Variants in NALF1 observed in about 807,000 individuals in gnomAD.
The protein encoded by NALF1 is family with sequence similarity 155 member A.
NALF1 carries 3 observed loss-of-function variants against 48.4 expected under a neutral mutation model. That is an observed-to-expected ratio of 0.06 (90% CI 0.03 to 0.16). The LOEUF is 0.16. Ranked by LOEUF, NALF1 falls within the 10% of genes least tolerant of loss-of-function variation. The probability of loss-of-function intolerance (pLI) is 1.00; values close to 1 mark genes in which losing one functional copy is unlikely to be tolerated. For missense variants in NALF1, 526 were observed against 571.5 expected, an observed-to-expected ratio of 0.92 and a Z score of 0.81; for synonymous variants, 262 against 245.7, an observed-to-expected ratio of 1.07 and a Z score of -0.62.
intron 1 of NALF1, among the ~76,000 whole-genome samples, chr13:107,660,684 C>T (rs1182588042): frequency 6.6e-6 from 1 of 151,944 alleles, no homozygotes; most frequent in Admixed American, 6.6e-5. Flanking sequence ...CTGTGAGATA[C>T]ACTATAATGA....
chr13:107,317,246 C>T (rs903408675), intron 1 of NALF1, among the ~76,000 whole-genome samples: 3 of 151,942 alleles, frequency 2.0e-5, no homozygotes, highest in African/African-American at 7.2e-5. Context: ...TTAGACGACC[C>T]ATGCATAAAA....
chr13:107,771,636 C>T (rs1322905429), intron 1 of NALF1, among the ~76,000 whole-genome samples: 99 of 152,002 alleles, frequency 6.5e-4, no homozygotes, highest in Admixed American at 6.5e-3. Context: ...GAAAGGCATT[C>T]CTAGCCTGTA....
intron 2 of NALF1, among the ~76,000 whole-genome samples, chr13:107,193,112 A>G (rs1879316955): frequency 6.6e-6 from 1 of 152,134 alleles, no homozygotes; most frequent in Non-Finnish European, 1.5e-5. Flanking sequence ...TTATGGTATA[A>G]GATGACATTT....
intron 1 of NALF1, among the ~76,000 whole-genome samples, chr13:107,456,819 A>G (rs893944632): frequency 2.0e-5 from 3 of 152,176 alleles, no homozygotes; most frequent in Non-Finnish European, 2.9e-5. Context: ...AAATGGTAGC[A>G]TTTCCTTAAG....
chr13:107,397,838 C>CTA (rs1407508429), intron 1 of NALF1, among the ~76,000 whole-genome samples: 1 of 152,000 alleles, frequency 6.6e-6, no homozygotes, highest in Non-Finnish European at 1.5e-5. Flanking sequence ...ATCTATCTTC[C>CTA]TATATATAGA....
intron 1 of NALF1, among the ~76,000 whole-genome samples, chr13:107,799,669 A>G (rs1878541506): frequency 6.6e-6 from 1 of 152,238 alleles, no homozygotes; most frequent in African/African-American, 2.4e-5. Flanking sequence ...CTTTAAGAAT[A>G]GAAACTGCAG....
chr13:107,794,942 T>C (rs749840327), intron 1 of NALF1, among the ~76,000 whole-genome samples: 17 of 152,164 alleles, frequency 1.1e-4, no homozygotes, highest in Non-Finnish European at 1.2e-4. Context: ...GAAAATCTTT[T>C]GATGTACTGA....
chr13:107,657,184 A>T (rs1162435576), intron 1 of NALF1, among the ~76,000 whole-genome samples: 1 of 151,604 alleles, frequency 6.6e-6, no homozygotes, highest in African/African-American at 2.4e-5. Flanking sequence ...AAAAAAAATT[A>T]AACAAAAATT....
At chr13:107,703,554 T>C (rs1169896858) in intron 1 of NALF1, among the ~76,000 whole-genome samples, 1 of 152,018 alleles carries the variant, frequency 6.6e-6, no homozygotes. Context: ...GAGGTTTCAC[T>C]ATGTTGGCCA....
chr13:107,544,789 T>C (rs1411334591), intron 1 of NALF1, among the ~76,000 whole-genome samples: 1 of 152,164 alleles, frequency 6.6e-6, no homozygotes, highest in Non-Finnish European at 1.5e-5. Context: ...TGGGGAGCAT[T>C]CAGCACATGA....
chr13:107,545,568 G>C (rs1286250336), intron 1 of NALF1, among the ~76,000 whole-genome samples: 1 of 152,114 alleles, frequency 6.6e-6, no homozygotes, highest in Non-Finnish European at 1.5e-5. Flanking sequence ...AGGACAGTTG[G>C]AGCCTGAGAT....
chr13:107,389,732 C>A (rs1489331478), intron 1 of NALF1, among the ~76,000 whole-genome samples: 1 of 152,108 alleles, frequency 6.6e-6, no homozygotes, highest in Non-Finnish European at 1.5e-5. Flanking sequence ...AAGATCATGT[C>A]TCTTTTGTTC....
chr13:107,683,720 C>T (rs1181018167), intron 1 of NALF1, among the ~76,000 whole-genome samples: 1 of 152,174 alleles, frequency 6.6e-6, no homozygotes, highest in African/African-American at 2.4e-5. Context: ...CAATGCAGGG[C>T]CTCTTCAGAG....
At chr13:107,415,209 T>C (rs1489003153) in intron 1 of NALF1, among the ~76,000 whole-genome samples, 5 of 152,146 alleles carry the variant, frequency 3.3e-5, no homozygotes, top group Non-Finnish European at 4.4e-5. Context: ...ACATCCTATC[T>C]TCATAAACAA....
intron 1 of NALF1, among the ~76,000 whole-genome samples, chr13:107,471,741 G>C (rs903745884): frequency 6.6e-6 from 1 of 152,146 alleles, no homozygotes; most frequent in African/African-American, 2.4e-5. Context: ...CATTCATAGA[G>C]GAGCAGGGGA....
At chr13:107,195,682 C>T (rs1322195392) in intron 2 of NALF1, among the ~76,000 whole-genome samples, 2 of 152,048 alleles carry the variant, frequency 1.3e-5, no homozygotes, top group African/African-American at 2.4e-5. Flanking sequence ...TTTGTTAAGG[C>T]AGGAATAGAA....
intron 1 of NALF1, among the ~76,000 whole-genome samples, chr13:107,767,754 T>C (rs1283949865): frequency 6.6e-6 from 1 of 152,248 alleles, no homozygotes; most frequent in African/African-American, 2.4e-5. Flanking sequence ...GTCCATTATT[T>C]TTTAATCTTG....
intron 1 of NALF1, among the ~76,000 whole-genome samples, chr13:107,565,418 C>G (rs1433306829): frequency 1.4e-5 from 2 of 147,564 alleles, no homozygotes; most frequent in African/African-American, 2.5e-5. Context: ...AGATTAAGGA[C>G]TATAATAGGA....
intron 1 of NALF1, among the ~76,000 whole-genome samples, chr13:107,433,026 C>T (rs1884407868): frequency 6.6e-6 from 1 of 152,252 alleles, no homozygotes; most frequent in South Asian, 2.1e-4. Context: ...CACCCCTTGA[C>T]CTTTTCTTTC....
Sources: allele counts gnomAD v4.1 joint callset (sites outside exome capture counted in the v4.1 genomes callset), GRCh38; gene constraint gnomAD v4.1.1; transcripts MANE v1.5; gene names NCBI Gene and HGNC (gene_info 2026-07-23, HGNC 2026-07-21).